FRMD4A: variants seen among roughly 807,000 people sequenced by gnomAD.
FRMD4A encodes the protein FERM domain containing 4A, also known as FERM domain-containing protein 4A.
Under a neutral mutation model 129.1 loss-of-function variants are expected in FRMD4A, and 29 were observed. The observed-to-expected ratio is 0.22, with a 90% CI of 0.17 to 0.31. FRMD4A has a LOEUF of 0.31. Ranked by LOEUF, FRMD4A falls within the 10% of genes least tolerant of loss-of-function variation. The pLI, the probability that FRMD4A is intolerant of heterozygous loss-of-function variation, is 1.00. For synonymous variants in FRMD4A, 634 were observed against 571.6 expected (o/e 1.11, Z -1.56); for missense variants, 1,272 against 1,375.8 (o/e 0.92, Z 1.19).
At chr10:13,773,111 A>G (rs947429369) in intron 6 of FRMD4A, among the ~76,000 whole-genome samples, 1 of 152,220 alleles carries the variant, frequency 6.6e-6, no homozygotes, top group Non-Finnish European at 1.5e-5. Context: ...AAAAATTTAA[A>G]AAACCAAAGT....
chr10:14,145,644 C>T (rs1016500114), intron 2 of FRMD4A, among the ~76,000 whole-genome samples: 4 of 152,172 alleles, frequency 2.6e-5, no homozygotes, highest in African/African-American at 9.7e-5. Flanking sequence ...ATTATATTGA[C>T]TGTTACTGGA....
chr10:13,872,224 C>T (rs556934363), intron 2 of FRMD4A, among the ~76,000 whole-genome samples: 15 of 152,338 alleles, frequency 9.8e-5, no homozygotes, highest in Non-Finnish European at 1.9e-4. Context: ...GCCAGGTCTC[C>T]TGTGGCTCTG....
intron 2 of FRMD4A, among the ~76,000 whole-genome samples, chr10:14,085,609 C>A (rs911563103): frequency 1.3e-5 from 2 of 152,170 alleles, no homozygotes; most frequent in East Asian, 1.9e-4. Flanking sequence ...GGGGACAGAG[C>A]CTGCCTCCCA....
chr10:13,767,958 G>A (rs1283315655), intron 6 of FRMD4A, among the ~76,000 whole-genome samples: 1 of 152,162 alleles, frequency 6.6e-6, no homozygotes, highest in Non-Finnish European at 1.5e-5. Context: ...AGGTCCTTTG[G>A]TGACTGTGGC....
intron 12 of FRMD4A, among the ~76,000 whole-genome samples, chr10:13,720,087 C>A (rs764061269): frequency 6.6e-6 from 1 of 152,184 alleles, no homozygotes; most frequent in Non-Finnish European, 1.5e-5. Flanking sequence ...CTTGCTGTGT[C>A]GCCCAGGCTG....
chr10:13,762,489 A>T (rs1387912284), intron 7 of FRMD4A, 135 bp downstream of exon 7: 1 of 623,150 alleles, frequency 1.6e-6, no homozygotes, highest in African/African-American at 1.9e-5. Flanking sequence ...TAATAGCTCT[A>T]TGCAGCTTGT....
intron 2 of FRMD4A, among the ~76,000 whole-genome samples, chr10:13,866,786 T>C (rs2094373085): frequency 1.3e-5 from 2 of 152,254 alleles, no homozygotes; most frequent in African/African-American, 4.8e-5. Context: ...ACCTCTTCTC[T>C]ACTAAAAATA....
chr10:13,889,210 C>T (rs555980574), intron 2 of FRMD4A, among the ~76,000 whole-genome samples: 1 of 152,332 alleles, frequency 6.6e-6, no homozygotes, highest in East Asian at 1.9e-4. Flanking sequence ...TATGAGATCT[C>T]CTGAACCTTC....
intron 2 of FRMD4A, among the ~76,000 whole-genome samples, chr10:14,004,255 A>T (rs2095653486): frequency 6.6e-6 from 1 of 152,248 alleles, no homozygotes; most frequent in African/African-American, 2.4e-5. Flanking sequence ...TTTATTAAAA[A>T]TACAAGACTG....
intron 15 of FRMD4A, chr10:13,685,515 G>T (rs1438643249): frequency 2.0e-6 from 2 of 985,142 alleles, no homozygotes; most frequent in Non-Finnish European, 2.4e-6. Context: ...GTCCAAGCTT[G>T]TTAGGCTATT....
intron 2 of FRMD4A, among the ~76,000 whole-genome samples, chr10:13,923,490 A>G (rs113995974): frequency 0.065 from 9,842 of 152,278 alleles, 1,055 homozygotes; most frequent in African/African-American, 0.22. Context: ...ATGTGTGCAC[A>G]TACGTACACA....
chr10:14,100,771 C>T (rs1837261123), intron 2 of FRMD4A, among the ~76,000 whole-genome samples: 2 of 151,958 alleles, frequency 1.3e-5, no homozygotes, highest in Admixed American at 1.3e-4. Context: ...CACCCTACTT[C>T]CTATACTTTT....
intron 2 of FRMD4A, among the ~76,000 whole-genome samples, chr10:14,170,359 T>C (rs1841412810): frequency 6.6e-6 from 1 of 152,224 alleles, no homozygotes; most frequent in African/African-American, 2.4e-5. Flanking sequence ...CTTTAAAAGA[T>C]CTGCTTCCAT....
At chr10:14,083,834 C>T (rs1836079581) in intron 2 of FRMD4A, 1 of 152,130 alleles carries the variant, frequency 6.6e-6, no homozygotes, top group Non-Finnish European at 1.5e-5. Context: ...CATAGAGTGA[C>T]ATCAATAACG....
At chr10:13,648,631 C>T (rs1242792722) in intron 24 of FRMD4A, 2 of 152,154 alleles carry the variant, frequency 1.3e-5, no homozygotes, top group Non-Finnish European at 2.9e-5. Context: ...ACTAGGTTAA[C>T]AGGAGGAGGA....
At chr10:13,798,713 T>G (rs1588782862) in intron 4 of FRMD4A, among the ~76,000 whole-genome samples, 1 of 152,118 alleles carries the variant, frequency 6.6e-6, no homozygotes, top group African/African-American at 2.4e-5. Flanking sequence ...CGAGACTCCG[T>G]CTCATAAATA....
intron 7 of FRMD4A, 25 bp downstream of exon 7, chr10:13,762,598 TA>T: frequency 2.2e-6 from 3 of 1,382,470 alleles, no homozygotes; most frequent in Non-Finnish European, 3.1e-6. Context: ...CCGTGGGACA[TA>T]AAGAGGAGGA....
intron 4 of FRMD4A, among the ~76,000 whole-genome samples, chr10:13,797,381 C>T (rs549201059): frequency 6.6e-6 from 1 of 152,128 alleles, no homozygotes; most frequent in Non-Finnish European, 1.5e-5. Flanking sequence ...GCCTTTAATC[C>T]CAGCACTTTG....
chr10:13,953,142 T>A (rs2095385159), intron 2 of FRMD4A, among the ~76,000 whole-genome samples: 1 of 152,240 alleles, frequency 6.6e-6, no homozygotes, highest in African/African-American at 2.4e-5. Context: ...AGGCCCCTGC[T>A]TTTATGATAA....
Sources: gnomAD v4.1 joint callset for allele counts (sites outside exome capture counted in the v4.1 genomes callset) on GRCh38, gnomAD v4.1.1 for gene constraint, MANE v1.5 for transcripts, NCBI Gene and HGNC (gene_info 2026-07-23, HGNC 2026-07-21) for gene names.